Variants in P2RY12 observed in about 807,000 individuals in gnomAD.
The protein encoded by P2RY12 is purinergic receptor P2Y12.
A neutral mutation model predicts 4.5 loss-of-function variants in P2RY12; 3 were observed. That is an observed-to-expected ratio of 0.67 (90% confidence interval 0.31 to 1.74). P2RY12 has a LOEUF of 1.74. P2RY12 is among the 40% of genes most tolerant of loss of function. P2RY12 has a pLI of 0.09. For missense variants in P2RY12, 356 were observed against 407.8 expected, an observed-to-expected ratio of 0.87 and a Z score of 1.09; for synonymous variants, 148 against 154.1, an observed-to-expected ratio of 0.96 and a Z score of 0.29.
chr3:151,357,904 A>G (rs1300951112), intron 1 of P2RY12, among the ~76,000 whole-genome samples: 1 of 152,204 alleles, frequency 6.6e-6, no homozygotes, highest in Non-Finnish European at 1.5e-5. Context: ...GAGCTACAGA[A>G]TTAGCTAATA....
chr3:151,366,323 T>G (rs1755262202), intron 1 of P2RY12, among the ~76,000 whole-genome samples: 1 of 152,214 alleles, frequency 6.6e-6, no homozygotes. Context: ...CCTGGATTCC[T>G]CACAGCATGG....
chr3:151,361,792 G>A (rs576464935), intron 1 of P2RY12, among the ~76,000 whole-genome samples: 3 of 152,138 alleles, frequency 2.0e-5, no homozygotes, highest in South Asian at 2.1e-4. Context: ...TCTTCACTCC[G>A]TTTGTCTTTC....
intron 1 of P2RY12, chr3:151,384,316 A>G: frequency 1.6e-6 from 2 of 1,215,160 alleles, no homozygotes; most frequent in Non-Finnish European, 1.1e-6. Context: ...TATTAATTGT[A>G]TTCAACTTAA....
In P2RY12 at chr3:151,338,585, C is replaced by A. The variant is rs1256460113; in HGVS notation, c.261G>T (p.Leu87=). 6.2e-7 allele frequency: 1 copy of A among 1,613,954 alleles called. No homozygotes were observed. Among genetic ancestry groups the A allele is most frequent in the Admixed American group, 1.7e-5 (1 of 59,980 alleles). The change falls in exon 3 of 3, where the codon CTG becomes CTT. Residue 87 remains leucine (L), a synonymous_variant. Transcript: ENST00000302632. ...FPFKILSDAK[L]GTGPLRTFVC... ...CAAAAGTTCTCAGTGGTCCTGTTCC[C>A]AGTTTGGCATCACTAAGAATTTTGA... is the stretch of plus-strand genomic sequence containing the variant.
intron 1 of P2RY12, among the ~76,000 whole-genome samples, chr3:151,371,564 T>C (rs1201512434): frequency 6.6e-6 from 1 of 152,244 alleles, no homozygotes; most frequent in Non-Finnish European, 1.5e-5. Flanking sequence ...GCCATTTTTT[T>C]CAGCAAAGTC....
At chr3:151,379,368 G>T (rs1711820684) in intron 1 of P2RY12, among the ~76,000 whole-genome samples, 1 of 152,186 alleles carries the variant, frequency 6.6e-6, no homozygotes, top group Non-Finnish European at 1.5e-5. Context: ...CTCATTTTAA[G>T]AAATTTGTCT....
At chr3:151,380,597 CAAAA>C (rs56792030) in intron 1 of P2RY12, among the ~76,000 whole-genome samples, 5 of 113,296 alleles carry the variant, frequency 4.4e-5, no homozygotes, top group African/African-American at 3.3e-5. Flanking sequence ...AACTCTGTCT[CAAAA>C]AAAAAAAAAA....
At chr3:151,378,087 G>A in intron 1 of P2RY12, 1 of 1,611,624 alleles carries the variant, frequency 6.2e-7, no homozygotes, top group Non-Finnish European at 8.5e-7. Flanking sequence ...AAGGAAGAGT[G>A]CTGAAAGCCG....
At chr3:151,354,300 G>C (rs954381186) in intron 1 of P2RY12, among the ~76,000 whole-genome samples, 1 of 151,992 alleles carries the variant, frequency 6.6e-6, no homozygotes, top group Non-Finnish European at 1.5e-5. Flanking sequence ...TTTATTGTTA[G>C]AACAGTTAAG....
chr3:151,350,821 T>C (rs983123351), intron 1 of P2RY12, among the ~76,000 whole-genome samples: 1 of 152,246 alleles, frequency 6.6e-6, no homozygotes, highest in African/African-American at 2.4e-5. Flanking sequence ...TGACATAGTT[T>C]TTACAGTGAA....
intron 1 of P2RY12, chr3:151,355,140 A>G (rs1333160863): frequency 6.2e-7 from 1 of 1,613,918 alleles, no homozygotes; most frequent in South Asian, 1.1e-5. Context: ...AAGGACAAAA[A>G]GCCAGGAAGA....
At chr3:151,366,348 A>G (rs564851263) in intron 1 of P2RY12, among the ~76,000 whole-genome samples, 2 of 152,340 alleles carry the variant, frequency 1.3e-5, no homozygotes, top group South Asian at 2.1e-4. Flanking sequence ...TAATCTAACT[A>G]AAGCAGTTCA....
At chr3:151,339,647 A>T (rs546399448) in intron 2 of P2RY12, among the ~76,000 whole-genome samples, 67 of 152,244 alleles carry the variant, frequency 4.4e-4, no homozygotes, top group Non-Finnish European at 9.1e-4. Context: ...AACAGTAAAA[A>T]AAAAAATAAG....
chr3:151,367,516 C>A, intron 1 of P2RY12: 1 of 732,168 alleles, frequency 1.4e-6, no homozygotes, highest in Non-Finnish European at 2.1e-6. Context: ...GATATGTTAT[C>A]ATTTCCCTCT....
chr3:151,360,961 A>C (rs1247710405), intron 1 of P2RY12, among the ~76,000 whole-genome samples: 2 of 152,144 alleles, frequency 1.3e-5, no homozygotes, highest in African/African-American at 4.8e-5. Flanking sequence ...AGTAATGATT[A>C]TTTGATATAT....
intron 1 of P2RY12, among the ~76,000 whole-genome samples, chr3:151,377,770 G>A (rs1184805484): frequency 6.6e-6 from 1 of 152,188 alleles, no homozygotes; most frequent in African/African-American, 2.4e-5. Context: ...AAACATTAAA[G>A]TCAGTTTAGT....
chr3:151,365,774 G>T, intron 1 of P2RY12: 1 of 1,250,874 alleles, frequency 8.0e-7, no homozygotes, highest in Non-Finnish European at 1.1e-6. Context: ...TGAAATATAT[G>T]TTAATTAAGT....
intron 1 of P2RY12, among the ~76,000 whole-genome samples, chr3:151,383,437 C>T (rs1274734767): frequency 2.0e-5 from 3 of 152,218 alleles, no homozygotes; most frequent in Non-Finnish European, 4.4e-5. Flanking sequence ...AATTGGATTA[C>T]ATGACTTTGA....
At chr3:151,360,726 T>A in intron 1 of P2RY12, 1 of 838,128 alleles carries the variant, frequency 1.2e-6, no homozygotes. Flanking sequence ...TATTAGGCAG[T>A]AATTTTGATA....
Sources: gnomAD v4.1 joint callset for allele counts (sites outside exome capture counted in the v4.1 genomes callset) on GRCh38, gnomAD v4.1.1 for gene constraint, MANE v1.5 for transcripts, NCBI Gene and HGNC (gene_info 2026-07-23, HGNC 2026-07-21) for gene names.